Variants in MTUS2 observed in about 807,000 individuals in gnomAD.
The protein encoded by MTUS2 is microtubule-associated tumor suppressor candidate 2.
MTUS2 carries 40 observed loss-of-function variants against 114.1 expected under a neutral mutation model. The ratio of observed to expected loss-of-function variants is 0.35; its 90% CI spans 0.27 to 0.46. The LOEUF (loss-of-function observed/expected upper bound fraction) is 0.46. Among genes scored for constraint, MTUS2 ranks in the 20% least tolerant of loss-of-function variants. MTUS2 has a pLI of 1.00. For missense variants in MTUS2, 1,679 were observed against 1,705.4 expected (o/e 0.98, Z 0.27); for synonymous variants, 688 against 672.0 (o/e 1.02, Z -0.37).
At chr13:29,030,801 C>T (rs780890847) in intron 3 of MTUS2, among the ~76,000 whole-genome samples, 1 of 152,132 alleles carries the variant, frequency 6.6e-6, no homozygotes, top group African/African-American at 2.4e-5. Flanking sequence ...CCATCCTTAT[C>T]GACAGATCCC....
chr13:29,482,395 A>G (rs1042785650), intron 10 of MTUS2: 5 of 152,226 alleles, frequency 3.3e-5, no homozygotes, highest in African/African-American at 1.2e-4. Context: ...GATGAAAGGA[A>G]AGAAGCCCTT....
chr13:29,008,674 A>G (rs1885706061), intron 2 of MTUS2, among the ~76,000 whole-genome samples: 2 of 152,204 alleles, frequency 1.3e-5, no homozygotes, highest in South Asian at 2.1e-4. Flanking sequence ...GGTGTTACCA[A>G]ATACTCGCTT....
intron 5 of MTUS2, among the ~76,000 whole-genome samples, chr13:29,281,168 C>CTCTACCTTCA (rs759161516): frequency 5.3e-5 from 8 of 152,184 alleles, no homozygotes; most frequent in Non-Finnish European, 1.0e-4. Context: ...CTCTCTACCC[C>CTCTACCTTCA]TCTACCTTCA....
chr13:29,094,184 A>G (rs1890080920), intron 4 of MTUS2, among the ~76,000 whole-genome samples: 1 of 152,066 alleles, frequency 6.6e-6, no homozygotes, highest in South Asian at 2.1e-4. Flanking sequence ...ATCTGGTTTT[A>G]GCATCAAGAT....
intron 2 of MTUS2, among the ~76,000 whole-genome samples, chr13:28,858,910 TCCAGTG>T (rs1451461310): frequency 1.4e-4 from 22 of 152,122 alleles, no homozygotes; most frequent in Admixed American, 1.2e-3. Flanking sequence ...CAGTTCCTTC[TCCAGTG>T]CACACTCCCT....
intron 5 of MTUS2, among the ~76,000 whole-genome samples, chr13:29,122,262 A>G (rs555712180): frequency 2.0e-5 from 3 of 152,264 alleles, no homozygotes; most frequent in East Asian, 1.9e-4. Context: ...ATGATGCTGT[A>G]TTAGTCTGTT....
At chr13:28,873,284 G>A (rs1437704917) in intron 2 of MTUS2, among the ~76,000 whole-genome samples, 1 of 152,122 alleles carries the variant, frequency 6.6e-6, no homozygotes, top group East Asian at 1.9e-4. Context: ...GGCACATTCT[G>A]TTTACTCTGT....
chr13:28,891,858 CAA>C (rs1169875500), intron 2 of MTUS2, among the ~76,000 whole-genome samples: 1,286 of 52,036 alleles, frequency 0.025, 8 homozygotes, highest in African/African-American at 0.086. Context: ...GACTCTGTCT[CAA>C]AAAAAAAAAA....
chr13:29,442,099 C>T (rs949793129), intron 9 of MTUS2, among the ~76,000 whole-genome samples: 2 of 152,120 alleles, frequency 1.3e-5, no homozygotes, highest in Admixed American at 1.3e-4. Context: ...GACCTTGCCT[C>T]ATCCCCTTCT....
chr13:29,123,349 G>C (rs1176215608), intron 5 of MTUS2, among the ~76,000 whole-genome samples: 3 of 151,772 alleles, frequency 2.0e-5, no homozygotes, highest in Non-Finnish European at 4.4e-5. Context: ...TCTTCTCTGA[G>C]AATGTAATTT....
intron 8 of MTUS2, among the ~76,000 whole-genome samples, chr13:29,404,955 G>A (rs1378770145): frequency 3.9e-5 from 6 of 152,348 alleles, no homozygotes; most frequent in South Asian, 2.1e-4. Flanking sequence ...CACTGGAGAC[G>A]TGCAGCGATG....
At chr13:28,888,139 C>T (rs905873423) in intron 2 of MTUS2, among the ~76,000 whole-genome samples, 1 of 152,118 alleles carries the variant, frequency 6.6e-6, no homozygotes, top group African/African-American at 2.4e-5. Flanking sequence ...CCTCTCTGTC[C>T]ATTATTTGTT....
At chr13:29,033,116 C>G (rs561670393) in intron 3 of MTUS2, among the ~76,000 whole-genome samples, 15 of 152,152 alleles carry the variant, frequency 9.9e-5, no homozygotes, top group Non-Finnish European at 2.2e-4. Context: ...AAAATGGAAA[C>G]ATGATTCTTC....
At chr13:29,478,695 A>G (rs113807243) in intron 9 of MTUS2, among the ~76,000 whole-genome samples, 61 of 152,044 alleles carry the variant, frequency 4.0e-4, no homozygotes, top group African/African-American at 1.5e-3. Context: ...CTGCCTACAC[A>G]TGGAATGGAA....
At chr13:29,221,146 AGAACAGCTAT>A (rs1481977333) in intron 5 of MTUS2, among the ~76,000 whole-genome samples, 1 of 152,240 alleles carries the variant, frequency 6.6e-6, no homozygotes, top group Non-Finnish European at 1.5e-5. Flanking sequence ...CTGTGCATCT[AGAACAGCTAT>A]GAAACATCCT....
At chr13:29,325,518 G>A (rs1354335491) in intron 7 of MTUS2, among the ~76,000 whole-genome samples, 3 of 144,964 alleles carry the variant, frequency 2.1e-5, no homozygotes, top group African/African-American at 7.8e-5. Flanking sequence ...AGAAGGAGGA[G>A]GAGGAGGGAG....
intron 2 of MTUS2, among the ~76,000 whole-genome samples, chr13:28,984,790 A>G (rs760065407): frequency 2.0e-5 from 3 of 152,258 alleles, no homozygotes; most frequent in African/African-American, 7.2e-5. Flanking sequence ...GGGCTAGGGC[A>G]GCGCCCTGTA....
intron 5 of MTUS2, among the ~76,000 whole-genome samples, chr13:29,104,267 C>G (rs2149322): frequency 3.9e-5 from 6 of 151,966 alleles, no homozygotes; most frequent in Non-Finnish European, 8.8e-5. Context: ...ATCTTACCAT[C>G]CAGTTTACCA....
At chr13:28,963,593 T>G (rs914647074) in intron 2 of MTUS2, among the ~76,000 whole-genome samples, 4 of 152,144 alleles carry the variant, frequency 2.6e-5, no homozygotes, top group African/African-American at 7.2e-5. Flanking sequence ...AATATATCCT[T>G]TCTTTAAAAA....
Sources: gnomAD v4.1 joint callset for allele counts (sites outside exome capture counted in the v4.1 genomes callset) on GRCh38, gnomAD v4.1.1 for gene constraint, MANE v1.5 for transcripts, NCBI Gene and HGNC (gene_info 2026-07-23, HGNC 2026-07-21) for gene names.